Variants in ZNRF1 observed in about 807,000 individuals in gnomAD.
ZNRF1 encodes E3 ubiquitin-protein ligase ZNRF1.
Under a neutral mutation model 18.4 loss-of-function variants are expected in ZNRF1, and 3 were observed. The ratio of observed to expected loss-of-function variants is 0.16; its 90% CI spans 0.07 to 0.42. ZNRF1 has a LOEUF of 0.42. Among genes scored for constraint, ZNRF1 ranks in the 10% least tolerant of loss-of-function variants. The pLI is 0.99. For missense variants in ZNRF1, 310 were observed against 329.8 expected, an observed-to-expected ratio of 0.94 and a Z score of 0.47; for synonymous variants, 157 against 144.2, an observed-to-expected ratio of 1.09 and a Z score of -0.64.
chr16:75,012,031 A>G (rs1179952442), intron 1 of ZNRF1, among the ~76,000 whole-genome samples: 2 of 152,218 alleles, frequency 1.3e-5, no homozygotes, highest in Non-Finnish European at 2.9e-5. Context: ...CCCTTCTCAT[A>G]ATAGCATTTC....
intron 1 of ZNRF1, among the ~76,000 whole-genome samples, chr16:75,013,539 G>T (rs1175757074): frequency 6.6e-6 from 1 of 152,098 alleles, no homozygotes; most frequent in Non-Finnish European, 1.5e-5. Context: ...GAGAGATGGG[G>T]TTTTACCATG....
At chr16:75,042,452 T>C (rs926531741) in intron 1 of ZNRF1, among the ~76,000 whole-genome samples, 1 of 149,760 alleles carries the variant, frequency 6.7e-6, no homozygotes, top group Admixed American at 6.7e-5. Context: ...TCTTTTTTTT[T>C]TTTTTTTTTT....
At position 75,013,517 on chromosome 16, in the gene ZNRF1, TTGTA is replaced by T. The variant is rs539060903; in HGVS notation, c.424+13424_424+13427del. ...GCATGCCACCATGCCTAGCTAATTT[TTGTA>T]TTTTTAGGAGAGATGGGGTTTTACC... On this transcript the variant is annotated intron_variant, in intron 1 of 4. Transcript: ENST00000335325. Among the ~76,000 whole-genome samples the T allele has an allele frequency of 5.9e-5, 9 of 152,108 alleles. No individual in the cohort carries two copies. In the South Asian group the frequency reaches 1.9e-3, roughly 32 times the overall value.
At chr16:75,059,744 G>A (rs889262370) in intron 1 of ZNRF1, among the ~76,000 whole-genome samples, 3 of 152,100 alleles carry the variant, frequency 2.0e-5, no homozygotes, top group Non-Finnish European at 4.4e-5. Flanking sequence ...TGTAATGTTT[G>A]GAAATTGTAT....
chr16:75,106,663 C>A, intron 4 of ZNRF1, 92 bp downstream of exon 4: 1 of 968,338 alleles, frequency 1.0e-6, no homozygotes, highest in Non-Finnish European at 1.6e-6. Context: ...TGCCCTTATG[C>A]CACTGAGAAG....
intron 1 of ZNRF1, among the ~76,000 whole-genome samples, chr16:75,078,296 CTTTTTTT>C (rs36075131): frequency 2.3e-4 from 26 of 113,126 alleles, no homozygotes; most frequent in Non-Finnish European, 4.0e-4. Context: ...TCTTTCTTTC[CTTTTTTT>C]TTTTTTTTTT....
chr16:75,016,308 G>C (rs968529284), intron 1 of ZNRF1, among the ~76,000 whole-genome samples: 1 of 141,328 alleles, frequency 7.1e-6, no homozygotes, highest in Non-Finnish European at 1.5e-5. Context: ...GCGTTATCTC[G>C]GCTCACTGCA....
Position 75,078,917 on chromosome 16 carries a change from TTC to T in ZNRF1, c.425-14653_425-14652del, listed in dbSNP as rs771831533. Among the ~76,000 whole-genome samples the T allele has an allele frequency of 1.6e-4, 24 of 152,308 alleles. 1 individual carries two copies. Among genetic ancestry groups the T allele is most frequent in the Admixed American group, 1.0e-3 (16 of 15,300 alleles). ...TGTTATCCTTAGGAGATCCTTAACTTTCTTAACCTTGGAACTGTTATTATGAA... is the reference window on the plus strand; with the variant it reads ...TGTTATCCTTAGGAGATCCTTAACTTTTAACCTTGGAACTGTTATTATGAA... On this transcript the variant is annotated intron_variant, in intron 1 of 4. Coordinates refer to ENST00000335325, the MANE Select transcript of ZNRF1 (RefSeq NM_032268.5).
chr16:75,058,251 C>A (rs1283185537), intron 1 of ZNRF1, among the ~76,000 whole-genome samples: 1 of 152,000 alleles, frequency 6.6e-6, no homozygotes, highest in East Asian at 1.9e-4. Flanking sequence ...CAAGCATGTG[C>A]CACAATGGAC....
chr16:75,074,543 C>T (rs1386222825), intron 1 of ZNRF1, among the ~76,000 whole-genome samples: 1 of 152,036 alleles, frequency 6.6e-6, no homozygotes, highest in African/African-American at 2.4e-5. Flanking sequence ...ATCAGATGAC[C>T]ATATAATTTA....
At chr16:75,035,986 T>C (rs892127663) in intron 1 of ZNRF1, among the ~76,000 whole-genome samples, 5 of 152,212 alleles carry the variant, frequency 3.3e-5, no homozygotes, top group African/African-American at 9.6e-5. Flanking sequence ...ACTACCGTTC[T>C]CTGGCACCAG....
intron 1 of ZNRF1, among the ~76,000 whole-genome samples, chr16:75,021,436 C>T (rs745696198): frequency 6.6e-6 from 1 of 152,166 alleles, no homozygotes; most frequent in South Asian, 2.1e-4. Context: ...ACTTTTTTGC[C>T]TTCCCTTCCT....
chr16:75,069,186 A>AT (rs2145397783), intron 1 of ZNRF1, among the ~76,000 whole-genome samples: 1 of 152,156 alleles, frequency 6.6e-6, no homozygotes, highest in Non-Finnish European at 1.5e-5. Flanking sequence ...GAAAAAAAAA[A>AT]GGAAGGCAAG....
At position 75,108,050 on chromosome 16, in the gene ZNRF1, TC is replaced by T. The variant is rs2036338590; in HGVS notation, c.*353del. ...AAAAGTCTAGTGTCGACTGGTGTTT[TC>T]CCTCGTGATGTTTACAGCTTGCTGT... On this transcript the variant is annotated 3_prime_UTR_variant, in exon 5 of 5. Transcript: ENST00000335325. The T allele has an allele frequency of 4.2e-5, 13 of 306,802 alleles. No individual in the cohort carries two copies. Among genetic ancestry groups the T allele is most frequent in the South Asian group, 3.3e-4 (13 of 38,908 alleles). 19.0% of individuals were successfully genotyped at this position (306,802 alleles called of 1,614,324 possible). A position where few individuals can be genotyped will look rare whatever the true frequency, so the allele number is the denominator to read the frequency against.
At chr16:75,025,440 C>T (rs1262853128) in intron 1 of ZNRF1, among the ~76,000 whole-genome samples, 1 of 152,106 alleles carries the variant, frequency 6.6e-6, no homozygotes, top group African/African-American at 2.4e-5. Flanking sequence ...ATTCACAGCA[C>T]ACTTCTCCCT....
chr16:75,065,655 G>A (rs150773649), intron 1 of ZNRF1, among the ~76,000 whole-genome samples: 4 of 152,216 alleles, frequency 2.6e-5, no homozygotes, highest in African/African-American at 9.7e-5. Context: ...GCATGGGTGT[G>A]TACACTCAGA....
At chr16:75,107,607 G>T (rs1223007565) in intron 4 of ZNRF1, 126 bp from the exon 5 acceptor site, 1 of 423,508 alleles carries the variant, frequency 2.4e-6, no homozygotes, top group African/African-American at 2.0e-5. Context: ...CCCGTGTGCT[G>T]TTTGGCTTCT....
chr16:75,038,584 G>C (rs1355088467), intron 1 of ZNRF1, among the ~76,000 whole-genome samples: 1 of 152,196 alleles, frequency 6.6e-6, no homozygotes, highest in African/African-American at 2.4e-5. Flanking sequence ...TGGTAAGATG[G>C]ACACTATTGT....
chr16:75,030,400 A>G (rs886374640), intron 1 of ZNRF1, among the ~76,000 whole-genome samples: 6 of 152,170 alleles, frequency 3.9e-5, no homozygotes, highest in Middle Eastern at 3.2e-3. Context: ...CCTAAATATA[A>G]GAACTAAAAC....
Sources: gnomAD v4.1 joint callset for allele counts (sites outside exome capture counted in the v4.1 genomes callset) on GRCh38, gnomAD v4.1.1 for gene constraint, MANE v1.5 for transcripts, NCBI Gene and HGNC (gene_info 2026-07-23, HGNC 2026-07-21) for gene names.